Variants in RBFOX1 observed in about 807,000 individuals in gnomAD.
RBFOX1 encodes the protein RNA binding protein fox-1 homolog 1.
RBFOX1 carries 8 observed loss-of-function variants against 57.7 expected under a neutral mutation model. The ratio of observed to expected loss-of-function variants is 0.14; its 90% CI spans 0.08 to 0.25. The LOEUF is 0.25. RBFOX1 is among the 10% of genes least tolerant of loss of function. The pLI is 1.00. For synonymous variants in RBFOX1, 326 were observed against 222.4 expected (o/e 1.47, Z -4.15); for missense variants, 611 against 548.5 (o/e 1.11, Z -1.14).
intron 3 of RBFOX1, among the ~76,000 whole-genome samples, chr16:6,673,988 CAGTG>C (rs2098784626): frequency 6.6e-6 from 1 of 152,122 alleles, no homozygotes; most frequent in Non-Finnish European, 1.5e-5. Context: ...AAGGGAGAAA[CAGTG>C]AGGGAGGAAT....
intron 4 of RBFOX1, among the ~76,000 whole-genome samples, chr16:7,206,885 C>CT (rs1490864210): frequency 6.6e-6 from 1 of 152,164 alleles, no homozygotes; most frequent in South Asian, 2.1e-4. Flanking sequence ...GAGAAACCGT[C>CT]TTAACTTGAA....
intron 1 of RBFOX1, among the ~76,000 whole-genome samples, chr16:5,417,628 C>CT (rs2067195882): frequency 6.6e-6 from 1 of 152,180 alleles, no homozygotes; most frequent in Admixed American, 6.5e-5. Context: ...ATGGGATACC[C>CT]TTTGCAAGCC....
At chr16:6,974,213 C>T (rs55799402) in intron 3 of RBFOX1, among the ~76,000 whole-genome samples, 1 of 151,518 alleles carries the variant, frequency 6.6e-6, no homozygotes, top group Non-Finnish European at 1.5e-5. Flanking sequence ...CATGTCTTTG[C>T]TTAATGGGGG....
intron 3 of RBFOX1, among the ~76,000 whole-genome samples, chr16:6,948,331 A>G (rs1598106247): frequency 6.6e-6 from 1 of 151,130 alleles, no homozygotes; most frequent in South Asian, 2.1e-4. Flanking sequence ...AATGGAAACA[A>G]ACTCTGACAT....
At chr16:6,814,773 AG>A (rs1267739846) in intron 3 of RBFOX1, among the ~76,000 whole-genome samples, 1 of 152,016 alleles carries the variant, frequency 6.6e-6, no homozygotes, top group African/African-American at 2.4e-5. Context: ...GCTAGAGTTG[AG>A]GTTGGATAGA....
At chr16:6,141,406 C>T (rs573040700) in intron 1 of RBFOX1, among the ~76,000 whole-genome samples, 8 of 152,248 alleles carry the variant, frequency 5.3e-5, no homozygotes, top group African/African-American at 1.7e-4. Context: ...TTCTGCTTGT[C>T]GCTTGTCTCC....
chr16:6,936,536 G>A (rs528076337), intron 3 of RBFOX1, among the ~76,000 whole-genome samples: 6 of 152,156 alleles, frequency 3.9e-5, no homozygotes, highest in African/African-American at 1.4e-4. Flanking sequence ...GCTCTGGGGA[G>A]GATATTAAGG....
chr16:6,534,300 A>G (rs2153821967), intron 2 of RBFOX1, among the ~76,000 whole-genome samples: 1 of 152,246 alleles, frequency 6.6e-6, no homozygotes, highest in East Asian at 1.9e-4. Flanking sequence ...TGTGTATAAC[A>G]TACTCAGCAA....
At chr16:5,944,790 TAAA>T (rs60749168) in intron 4 of RBFOX1, among the ~76,000 whole-genome samples, 910 of 41,252 alleles carry the variant, frequency 0.022, 124 homozygotes, top group African/African-American at 0.088. Context: ...CTGTCTCTGC[TAAA>T]AAAAAAAAAA....
At chr16:6,339,324 A>G (rs2084197313) in intron 2 of RBFOX1, among the ~76,000 whole-genome samples, 1 of 152,184 alleles carries the variant, frequency 6.6e-6, no homozygotes. Flanking sequence ...TGTGATTTTA[A>G]TAGGTTTGTT....
intron 14 of RBFOX1, among the ~76,000 whole-genome samples, chr16:7,690,156 C>G (rs1029121201): frequency 6.6e-6 from 1 of 152,050 alleles, no homozygotes; most frequent in Non-Finnish European, 1.5e-5. Context: ...GAGCATTTTC[C>G]GAACTACTTT....
chr16:6,411,732 A>C (rs1336060958), intron 2 of RBFOX1, among the ~76,000 whole-genome samples: 1 of 152,258 alleles, frequency 6.6e-6, no homozygotes, highest in African/African-American at 2.4e-5. Context: ...ATTGAAAGTC[A>C]TTATGTTACT....
intron 2 of RBFOX1, among the ~76,000 whole-genome samples, chr16:6,459,116 C>G (rs1017897989): frequency 6.6e-6 from 1 of 151,956 alleles, no homozygotes; most frequent in African/African-American, 2.4e-5. Flanking sequence ...TGGGTGGATC[C>G]CGAGGTCAGC....
intron 4 of RBFOX1, among the ~76,000 whole-genome samples, chr16:5,902,687 A>G (rs1219005852): frequency 1.3e-5 from 2 of 152,160 alleles, no homozygotes; most frequent in Non-Finnish European, 2.9e-5. Context: ...AAGTCCTGGG[A>G]TTACAAGCAT....
At chr16:6,301,136 T>C (rs1274329327) in intron 1 of RBFOX1, among the ~76,000 whole-genome samples, 1 of 152,238 alleles carries the variant, frequency 6.6e-6, no homozygotes, top group African/African-American at 2.4e-5. Flanking sequence ...TGTAGATTTT[T>C]TTCTTTGCTT....
At chr16:5,732,195 G>C (rs2052400253) in intron 3 of RBFOX1, among the ~76,000 whole-genome samples, 2 of 152,216 alleles carry the variant, frequency 1.3e-5, no homozygotes, top group Admixed American at 6.5e-5. Flanking sequence ...GGAGATAATA[G>C]TTCAATTCAG....
At chr16:6,991,691 C>T (rs979414250) in intron 3 of RBFOX1, among the ~76,000 whole-genome samples, 1 of 152,110 alleles carries the variant, frequency 6.6e-6, no homozygotes, top group Non-Finnish European at 1.5e-5. Flanking sequence ...CTTGTGCTGC[C>T]ATTCCTGCCT....
At chr16:5,862,943 C>G (rs1286878188) in intron 3 of RBFOX1, among the ~76,000 whole-genome samples, 1 of 152,132 alleles carries the variant, frequency 6.6e-6, no homozygotes, top group Non-Finnish European at 1.5e-5. Flanking sequence ...GTGATCTTCC[C>G]TCTGTCCATT....
intron 4 of RBFOX1, among the ~76,000 whole-genome samples, chr16:7,427,699 C>A (rs561827217): frequency 2.0e-5 from 3 of 151,264 alleles, no homozygotes; most frequent in Admixed American, 2.0e-4. Flanking sequence ...GGCTAGAGTG[C>A]ATGGAGTGCA....
Sources: allele counts gnomAD v4.1 joint callset (sites outside exome capture counted in the v4.1 genomes callset), GRCh38; gene constraint gnomAD v4.1.1; transcripts MANE v1.5; gene names NCBI Gene and HGNC (gene_info 2026-07-23, HGNC 2026-07-21).